The following SORCS1 variants were observed in gnomAD, a reference collection of about 807,000 sequenced individuals.
SORCS1 encodes VPS10 domain-containing receptor SorCS1.
A neutral mutation model predicts 146.1 loss-of-function variants in SORCS1; 60 were observed. That is an observed-to-expected ratio of 0.41 (90% CI 0.33 to 0.51). The LOEUF is 0.51. Among genes scored for constraint, SORCS1 ranks in the 20% least tolerant of loss-of-function variants. The pLI is 0.21. For missense variants in SORCS1, 1,352 were observed against 1,487.6 expected (o/e 0.91, Z 1.50); for synonymous variants, 637 against 584.0 (o/e 1.09, Z -1.31).
chr10:106,951,863 C>A (rs2138918222), intron 2 of SORCS1, among the ~76,000 whole-genome samples: 1 of 152,094 alleles, frequency 6.6e-6, no homozygotes. Flanking sequence ...GCATAAAGTA[C>A]TGAAACCTCC....
chr10:106,708,309 G>A (rs1157782866), intron 7 of SORCS1, among the ~76,000 whole-genome samples: 3 of 152,010 alleles, frequency 2.0e-5, no homozygotes, highest in Non-Finnish European at 4.4e-5. Flanking sequence ...TAAGTACACA[G>A]GGTGGTAGGC....
In SORCS1 at chr10:106,577,211, C is replaced by T. The variant is rs185420475; in HGVS notation, c.*209G>A. On this transcript the variant is annotated 3_prime_UTR_variant, in exon 26 of 26. Transcript: ENST00000263054. The stretch of plus-strand genomic sequence containing the variant: ...GTTTTTGTTTTTGTTTTTTTACTGG[C>T]GTCCTCCATTCAAACATTTACATAG... 2.3e-5 allele frequency: 36 copies of T among 1,558,384 alleles called. No individual in the cohort carries two copies. The East Asian group carries it at 4.4e-4, about 19-fold the overall frequency.
chr10:107,001,977 T>A (rs1452982059), intron 1 of SORCS1, among the ~76,000 whole-genome samples: 1 of 152,212 alleles, frequency 6.6e-6, no homozygotes, highest in Non-Finnish European at 1.5e-5. Flanking sequence ...TTTGGGTTCT[T>A]ACAGTAGTAA....
At chr10:106,661,854 G>A (rs927774986) in intron 17 of SORCS1, among the ~76,000 whole-genome samples, 2 of 152,230 alleles carry the variant, frequency 1.3e-5, no homozygotes, top group Non-Finnish European at 2.9e-5. Context: ...TAAGGCCCCA[G>A]TACCAGCCTC....
chr10:107,047,266 G>A (rs1959592286), intron 1 of SORCS1, among the ~76,000 whole-genome samples: 1 of 152,186 alleles, frequency 6.6e-6, no homozygotes, highest in Admixed American at 6.5e-5. Context: ...TGGGATTACA[G>A]GCATGAGCCA....
At chr10:106,903,268 C>A (rs762483412) in intron 2 of SORCS1, among the ~76,000 whole-genome samples, 14 of 152,114 alleles carry the variant, frequency 9.2e-5, no homozygotes, top group Non-Finnish European at 1.9e-4. Flanking sequence ...GATTCATGGA[C>A]TCTTATGAAA....
the SORCS1 span, among the ~76,000 whole-genome samples, chr10:107,173,037 C>A: frequency 6.6e-6 from 1 of 152,074 alleles, no homozygotes; most frequent in Middle Eastern, 3.2e-3. Flanking sequence ...CAAATACAAC[C>A]ACAAAGATGA....
At chr10:107,023,512 A>G (rs771642475) in intron 1 of SORCS1, among the ~76,000 whole-genome samples, 1 of 152,234 alleles carries the variant, frequency 6.6e-6, no homozygotes, top group Non-Finnish European at 1.5e-5. Context: ...CAAAAAACAC[A>G]AAGCAGAGCT....
At chr10:106,989,396 T>G (rs985851499) in intron 1 of SORCS1, among the ~76,000 whole-genome samples, 1 of 151,950 alleles carries the variant, frequency 6.6e-6, no homozygotes, top group African/African-American at 2.4e-5. Flanking sequence ...GTAAACTTGA[T>G]GTATGGGAAC....
At chr10:107,148,846 G>A (rs181428781) in intron 1 of SORCS1, among the ~76,000 whole-genome samples, 10 of 152,146 alleles carry the variant, frequency 6.6e-5, no homozygotes, top group Admixed American at 6.5e-4. Context: ...ACTCTCTGGG[G>A]ATAGTCATTT....
In SORCS1 at chr10:106,850,474, C is replaced by T. The variant is rs530901136; in HGVS notation, c.627-20801G>A. Among the ~76,000 whole-genome samples the T allele has an allele frequency of 2.2e-4, 34 of 152,216 alleles. No homozygotes were observed. The East Asian group carries it at 2.5e-3, about 11-fold the overall frequency. On this transcript the variant is annotated intron_variant, in intron 2 of 25. Coordinates refer to ENST00000263054, the MANE Select transcript of SORCS1 (RefSeq NM_052918.5). The stretch of plus-strand genomic sequence containing the variant: ...CACGGTGCGCGCACTCACTGGCCTG[C>T]GCCCACTGTCTGGCACTCCCTAGTG...
intron 18 of SORCS1, among the ~76,000 whole-genome samples, chr10:106,641,305 A>G (rs553696674): frequency 2.0e-5 from 3 of 152,146 alleles, no homozygotes; most frequent in African/African-American, 7.2e-5. Context: ...AAAGAATCCC[A>G]TTTCTTGCAC....
At chr10:106,924,834 T>C (rs1952932861) in intron 2 of SORCS1, among the ~76,000 whole-genome samples, 2 of 150,528 alleles carry the variant, frequency 1.3e-5, no homozygotes, top group Admixed American at 1.3e-4. Flanking sequence ...TTGACAAGAA[T>C]GGACAAGCAA....
At chr10:107,083,806 G>A (rs1259006067) in intron 1 of SORCS1, among the ~76,000 whole-genome samples, 1 of 152,148 alleles carries the variant, frequency 6.6e-6, no homozygotes, top group Non-Finnish European at 1.5e-5. Flanking sequence ...AGGGGAGTGG[G>A]ATGACTCACG....
rs1479630649 is a variant in SORCS1, at chr10:106,953,033, T to A, written c.626+3480A>T. On this transcript the variant is annotated intron_variant, in intron 2 of 25. Transcript: ENST00000263054. ...AATAATAATTTAAAATAAATAAAAT[T>A]ACCAGTTTCTAATATATCACATACC... Among the ~76,000 whole-genome samples the A allele has an allele frequency of 3.7e-4, 56 of 151,924 alleles. 1 individual carries two copies. Among genetic ancestry groups the A allele is most frequent in the Non-Finnish European group, 1.5e-5 (1 of 68,002 alleles).
rs1360440443 is a variant in SORCS1 at position 106,607,164 on chromosome 10, A to G, written c.3165+2T>C. 1 of 1,613,902 alleles carries G rather than the reference A, an allele frequency of 6.2e-7. No homozygotes were observed. The highest frequency in any genetic ancestry group is 8.5e-7 in the Non-Finnish European group (1 of 1,179,884). On this transcript the variant is annotated splice_donor_variant, in intron 23 of 25. Coordinates refer to ENST00000263054, the MANE Select transcript of SORCS1 (RefSeq NM_052918.5). LOFTEE classifies it high-confidence loss of function. ...AAACGTCTCCTTTTCCAGGGGACTC[A>G]CCTGCTCCAGGTCATCAGTTGACCT...
intron 21 of SORCS1, among the ~76,000 whole-genome samples, chr10:106,617,134 T>C (rs1421798039): frequency 6.6e-6 from 1 of 152,028 alleles, no homozygotes; most frequent in Admixed American, 6.6e-5. Context: ...TTTATATTTT[T>C]AGTAGAGATG....
intron 9 of SORCS1, among the ~76,000 whole-genome samples, chr10:106,698,369 T>G (rs1853868399): frequency 6.6e-6 from 1 of 152,222 alleles, no homozygotes; most frequent in Admixed American, 6.5e-5. Flanking sequence ...ATTTTAGATT[T>G]TTTTCAGCTA....
intron 1 of SORCS1, among the ~76,000 whole-genome samples, chr10:107,145,748 G>C (rs1459977529): frequency 6.6e-6 from 1 of 152,158 alleles, no homozygotes; most frequent in Non-Finnish European, 1.5e-5. Context: ...CAGCAAGTTA[G>C]CAAGTGCACA....
Sources: gnomAD v4.1 joint callset for allele counts (sites outside exome capture counted in the v4.1 genomes callset) on GRCh38, gnomAD v4.1.1 for gene constraint, MANE v1.5 for transcripts, NCBI Gene and HGNC (gene_info 2026-07-23, HGNC 2026-07-21) for gene names.